The following SOCS5 variants were observed in gnomAD, a reference collection of about 807,000 sequenced individuals.
SOCS5 encodes CIS-6.
In SOCS5, 32 loss-of-function variants were observed where a neutral mutation model predicts 42.8. The ratio of observed to expected loss-of-function variants is 0.75; its 90% CI spans 0.56 to 1.01. SOCS5 has a LOEUF of 1.01. Ranked by LOEUF, SOCS5 falls within the 50% of genes least tolerant of loss-of-function variation. SOCS5 has a pLI of 0.00. For missense variants in SOCS5, 627 were observed against 653.0 expected, an observed-to-expected ratio of 0.96 and a Z score of 0.43; for synonymous variants, 283 against 229.6, an observed-to-expected ratio of 1.23 and a Z score of -2.10.
At chr2:46,723,065 C>T (rs1036439158) in intron 1 of SOCS5, among the ~76,000 whole-genome samples, 4 of 151,984 alleles carry the variant, frequency 2.6e-5, no homozygotes, top group African/African-American at 9.7e-5. Flanking sequence ...GATCCTGTGT[C>T]AGATATGTCA....
intron 1 of SOCS5, among the ~76,000 whole-genome samples, chr2:46,729,304 ATG>A (rs1673062504): frequency 6.6e-6 from 1 of 152,164 alleles, no homozygotes; most frequent in African/African-American, 2.4e-5. Context: ...AAAAATTTAA[ATG>A]TATGCATATA....
chr2:46,708,548 C>T (rs946157640), intron 1 of SOCS5, among the ~76,000 whole-genome samples: 2 of 152,052 alleles, frequency 1.3e-5, no homozygotes, highest in Non-Finnish European at 2.9e-5. Context: ...AATGATAATG[C>T]GTTCAGAACA....
chr2:46,706,123 G>A (rs1373924947), intron 1 of SOCS5, among the ~76,000 whole-genome samples: 1 of 152,128 alleles, frequency 6.6e-6, no homozygotes, highest in Admixed American at 6.5e-5. Flanking sequence ...TTATAAAGGG[G>A]TTATCATATT....
At chr2:46,700,568 A>T (rs767956566) in intron 1 of SOCS5, among the ~76,000 whole-genome samples, 1 of 152,232 alleles carries the variant, frequency 6.6e-6, no homozygotes, top group Non-Finnish European at 1.5e-5. Flanking sequence ...TACGGATTCT[A>T]TATAAGTTTT....
At chr2:46,736,767 C>T (rs1448371189) in intron 1 of SOCS5, among the ~76,000 whole-genome samples, 2 of 152,096 alleles carry the variant, frequency 1.3e-5, no homozygotes, top group Non-Finnish European at 2.9e-5. Context: ...CACCTATTAC[C>T]CACAAACACA....
chr2:46,753,217 T>C (rs1673662597), intron 1 of SOCS5, among the ~76,000 whole-genome samples: 1 of 152,204 alleles, frequency 6.6e-6, no homozygotes, highest in Non-Finnish European at 1.5e-5. Context: ...CATTTCTTCT[T>C]ATCCTTCAGG....
At chr2:46,703,342 C>G (rs1672386898) in intron 1 of SOCS5, among the ~76,000 whole-genome samples, 1 of 147,138 alleles carries the variant, frequency 6.8e-6, no homozygotes, top group African/African-American at 2.5e-5. Context: ...GTAGCCATCA[C>G]AAGTTTTCAC....
At chr2:46,752,573 G>A (rs1673647689) in intron 1 of SOCS5, among the ~76,000 whole-genome samples, 1 of 152,088 alleles carries the variant, frequency 6.6e-6, no homozygotes, top group Admixed American at 6.6e-5. Context: ...GTTTCATAAT[G>A]GATATATTCA....
At chr2:46,729,702 A>C (rs951722195) in intron 1 of SOCS5, among the ~76,000 whole-genome samples, 1 of 152,216 alleles carries the variant, frequency 6.6e-6, no homozygotes, top group Non-Finnish European at 1.5e-5. Flanking sequence ...TGGTGTGTGA[A>C]TGTGAAGGCC....
intron 1 of SOCS5, among the ~76,000 whole-genome samples, chr2:46,702,000 T>G (rs1188337760): frequency 6.6e-6 from 1 of 151,818 alleles, no homozygotes; most frequent in East Asian, 1.9e-4. Flanking sequence ...ATAGTTATAA[T>G]AGAGAAAGAC....
At chr2:46,757,831 A>T (rs556169032) in intron 1 of SOCS5, among the ~76,000 whole-genome samples, 2 of 152,234 alleles carry the variant, frequency 1.3e-5, no homozygotes, top group East Asian at 3.9e-4. Context: ...TCACCATTGC[A>T]CTCCAGCATG....
Position 46,762,794 on chromosome 2 carries a change from A to T in SOCS5, c.*2653A>T, listed in dbSNP as rs1673898728. The T allele has an allele frequency of 6.1e-6, 1 of 165,128 alleles. No individual in the cohort carries two copies. The highest frequency in any genetic ancestry group is 2.4e-5 in the African/African-American group (1 of 41,452). 10.2% of individuals were successfully genotyped at this position (165,128 alleles called of 1,614,324 possible). On this transcript the variant is annotated 3_prime_UTR_variant, in exon 2 of 2. Transcript: ENST00000394861. ...GGAATTTCTTTAGAAGTTGAGATAC[A>T]TCTTTATAGTTGAAATAATTAACCC...
Position 46,762,918 on chromosome 2 carries a change from T to TAC in SOCS5, c.*2778_*2779insCA, listed in dbSNP as rs1673901631. On this transcript the variant is annotated 3_prime_UTR_variant, in exon 2 of 2. Transcript: ENST00000394861. ...TCCCTTCCGCATACATATAAGTGTG[T>TAC]ATTATATATTTATGTATGCACATAT... 6.0e-6 allele frequency: 1 copy of TAC among 167,058 alleles called. No homozygotes were observed. The highest frequency in any genetic ancestry group is 6.5e-5 in the Admixed American group (1 of 15,286). The allele number at this position is 167,058 out of a possible 1,614,324, so 10.3% of individuals were successfully genotyped here.
chr2:46,742,982 T>C (rs1193839313), intron 1 of SOCS5, among the ~76,000 whole-genome samples: 2 of 152,144 alleles, frequency 1.3e-5, no homozygotes, highest in African/African-American at 4.8e-5. Flanking sequence ...ACTTTTTTAA[T>C]GGAAGGTTTA....
At chr2:46,723,262 T>G (rs545071681) in intron 1 of SOCS5, among the ~76,000 whole-genome samples, 1 of 152,236 alleles carries the variant, frequency 6.6e-6, no homozygotes, top group East Asian at 1.9e-4. Context: ...TTATCTCATG[T>G]TCTGAAAGTT....
Position 46,704,004 on chromosome 2 carries a change from A to G in SOCS5, c.-13+4555A>G, listed in dbSNP as rs555280779. On this transcript the variant is annotated intron_variant, in intron 1 of 1. Coordinates refer to ENST00000394861, the MANE Select transcript of SOCS5 (RefSeq NM_144949.3). ...TACATGTAGGTGAAAAATTGTAGGG[A>G]ATGATTTCAGAGAGACCATACTGTA... 2.9e-3 allele frequency among the ~76,000 whole-genome samples: 435 copies of G among 152,308 alleles called. 2 individuals carry two copies. The highest frequency in any genetic ancestry group is 9.8e-3 in the African/African-American group (408 of 41,556).
In SOCS5 at chr2:46,759,054, G is replaced by A. The variant is rs745622402; in HGVS notation, c.524G>A (p.Arg175His). The change falls in exon 2 of 2, where the codon CGC becomes CAC. Residue 175 changes from arginine (R) to histidine (H), a missense_variant. Arg to His is a conservative substitution (Grantham distance 29, BLOSUM62 0). This residue lies in a region of SOCS5 where 278 missense variants were observed against 246.3 expected (regional missense o/e 1.13). Coordinates refer to ENST00000394861, the MANE Select transcript of SOCS5 (RefSeq NM_144949.3). Reference protein sequence around the residue: ...DSVSSRTVGSRSLRQRLQDTV... With the variant: ...DSVSSRTVGSHSLRQRLQDTV... Reference sequence around the variant, plus strand: ...GTTTCCAGCAGAACTGTAGGAAGTCGCTCTCTAAGACAGAGGTTGCAGGAT... The same window carrying A: ...GTTTCCAGCAGAACTGTAGGAAGTCACTCTCTAAGACAGAGGTTGCAGGAT... 11 of 1,613,816 alleles carry A rather than the reference G, an allele frequency of 6.8e-6. No individual in the cohort carries two copies. The highest frequency in any genetic ancestry group is 1.3e-5 in the African/African-American group (1 of 74,912).
At chr2:46,721,371 T>C (rs1672881175) in intron 1 of SOCS5, among the ~76,000 whole-genome samples, 2 of 152,206 alleles carry the variant, frequency 1.3e-5, no homozygotes, top group South Asian at 2.1e-4. Context: ...CCTTAGGGCA[T>C]GGGATATTTT....
At chr2:46,731,368 C>A (rs768387062) in intron 1 of SOCS5, among the ~76,000 whole-genome samples, 14 of 152,192 alleles carry the variant, frequency 9.2e-5, no homozygotes, top group Middle Eastern at 3.2e-3. Flanking sequence ...ACCAAATCTG[C>A]CAGTGCTGTG....
Sources: allele counts gnomAD v4.1 joint callset (sites outside exome capture counted in the v4.1 genomes callset), GRCh38; gene constraint gnomAD v4.1.1; regional missense constraint gnomAD v4.1.1; transcripts MANE v1.5; gene names NCBI Gene and HGNC (gene_info 2026-07-23, HGNC 2026-07-21).